IFT80: variants seen among roughly 807,000 people sequenced by gnomAD.
IFT80 encodes intraflagellar transport protein 80 homolog.
A neutral mutation model predicts 107.9 loss-of-function variants in IFT80; 79 were observed. That is an observed-to-expected ratio of 0.73 (90% CI 0.61 to 0.88). The LOEUF (loss-of-function observed/expected upper bound fraction) is 0.88. Among genes scored for constraint, IFT80 ranks in the 40% least tolerant of loss-of-function variants. The pLI, the probability that IFT80 is intolerant of heterozygous loss-of-function variation, is 0.00. For missense variants in IFT80, 797 were observed against 914.2 expected, an observed-to-expected ratio of 0.87 and a Z score of 1.65; for synonymous variants, 299 against 300.9, an observed-to-expected ratio of 0.99 and a Z score of 0.07.
At chr3:160,393,761 A>C (rs182724154) in intron 1 of IFT80, among the ~76,000 whole-genome samples, 2 of 152,354 alleles carry the variant, frequency 1.3e-5, no homozygotes, top group Admixed American at 1.3e-4. Flanking sequence ...GATGATAAAC[A>C]GGGAGACCAT....
chr3:160,358,267 C>T (rs1721241332), intron 6 of IFT80, among the ~76,000 whole-genome samples: 1 of 152,046 alleles, frequency 6.6e-6, no homozygotes, highest in South Asian at 2.1e-4. Context: ...CCTGCCTTGG[C>T]CTCCCAATGT....
rs939523070 is a variant in IFT80, at chr3:160,322,819, T to C, written c.778-2880A>G. ...GAGCATTTTTTCATGTGTCTTTTGG[T>C]TGCATAAATGTCTTCTTTTGAGAAG... On this transcript the variant is annotated intron_variant, in intron 8 of 19. Transcript: ENST00000326448. Among the ~76,000 whole-genome samples the C allele has an allele frequency of 1.4e-4, 21 of 152,130 alleles. No homozygotes were observed. The South Asian group carries it at 3.3e-3, about 24-fold the overall frequency.
chr3:160,351,545 CAT>C (rs1309257073), intron 8 of IFT80, among the ~76,000 whole-genome samples: 3 of 145,744 alleles, frequency 2.1e-5, no homozygotes, highest in African/African-American at 5.0e-5. Flanking sequence ...TATATATACA[CAT>C]ATATTATATG....
At chr3:160,371,140 T>C (rs894477060) in intron 5 of IFT80, among the ~76,000 whole-genome samples, 6 of 152,174 alleles carry the variant, frequency 3.9e-5, no homozygotes, top group African/African-American at 1.4e-4. Context: ...GCCTACACTC[T>C]GGCCCAAGGA....
intron 8 of IFT80, among the ~76,000 whole-genome samples, chr3:160,328,916 G>A (rs1045076938): frequency 1.3e-5 from 2 of 152,024 alleles, no homozygotes; most frequent in Non-Finnish European, 2.9e-5. Context: ...AATACCACAT[G>A]CTCTCATTCA....
At position 160,301,013 on chromosome 3, in the gene IFT80, A is replaced by G. The variant is rs750468456; in HGVS notation, c.1185T>C (p.Tyr395=). Residue 395 remains tyrosine, a synonymous_variant, in exon 12 of 20, where the codon TAT becomes TAC. Transcript: ENST00000326448. ...HFLLVDGSSI[Y]LYSYEGRFIS... ...TAAAGCGCCCTTCATATGAATATAA[A>G]TAGATACTACTACCATCTACAAGAA... 1.9e-6 allele frequency: 3 copies of G among 1,594,414 alleles called. No homozygotes were observed. The highest frequency in any genetic ancestry group is 1.7e-4 in the Middle Eastern group (1 of 6,000).
intron 8 of IFT80, among the ~76,000 whole-genome samples, chr3:160,347,812 G>T (rs760858922): frequency 9.2e-5 from 14 of 152,072 alleles, no homozygotes; most frequent in Non-Finnish European, 1.9e-4. Context: ...CCTGCTCATG[G>T]ACATTTATTT....
At chr3:160,366,202 T>C (rs916629518) in intron 5 of IFT80, 50 bp from the exon 6 acceptor site, 43 of 1,294,118 alleles carry the variant, frequency 3.3e-5, no homozygotes, top group Non-Finnish European at 4.6e-5. Flanking sequence ...TTAATTATTA[T>C]GCCTTATAAA....
At position 160,381,694 on chromosome 3, in the gene IFT80, G is replaced by A. The variant is rs764436494; in HGVS notation, c.68C>T (p.Thr23Ile). The change falls in exon 3 of 20, where the codon ACT (threonine) becomes ATT (isoleucine). Residue 23 changes from threonine to isoleucine, a missense_variant. Transcript: ENST00000326448. ...ACATGAATACAGCTCTTCAGCAGTA[G>A]TCCAGCCCACACAGCTTACTAATTC... ...HQELVSCVGW[T>I]TAEELYSCSD... 6.2e-7 allele frequency: 1 copy of A among 1,611,974 alleles called. No homozygotes were observed. The highest frequency in any genetic ancestry group is 2.2e-5 in the East Asian group (1 of 44,820).
chr3:160,371,633 G>T lies in IFT80; in HGVS notation c.439+4179C>A, dbSNP rs115791754. ...AACTTTTGTATTTTTTGTACAGATG[G>T]GGTTTTCCCATGTTGCCCAGGCTGA... is the stretch of plus-strand genomic sequence containing the variant. On this transcript the variant is annotated intron_variant, in intron 5 of 19. Transcript: ENST00000326448. 7.5e-3 allele frequency among the ~76,000 whole-genome samples: 1,140 copies of T among 152,124 alleles called. 19 individuals are homozygous for T. The highest frequency in any genetic ancestry group is 0.026 in the African/African-American group (1,092 of 41,502).
chr3:160,268,078 A>G (rs1713485809), intron 19 of IFT80, among the ~76,000 whole-genome samples: 1 of 152,206 alleles, frequency 6.6e-6, no homozygotes, highest in Non-Finnish European at 1.5e-5. Context: ...CCTACAGCAG[A>G]AGAGGCAGCT....
intron 8 of IFT80, among the ~76,000 whole-genome samples, chr3:160,343,357 G>A (rs6441314): frequency 0.53 from 80,308 of 151,952 alleles, 21,706 homozygotes; most frequent in African/African-American, 0.57. Context: ...CCTGCTGATA[G>A]ATAAAAGCAA....
intron 8 of IFT80, among the ~76,000 whole-genome samples, chr3:160,348,442 T>C (rs1189357249): frequency 6.6e-6 from 1 of 152,196 alleles, no homozygotes; most frequent in Non-Finnish European, 1.5e-5. Context: ...AACACCTATG[T>C]ACTCCAGACA....
intron 3 of IFT80, 97 bp from the exon 4 acceptor site, chr3:160,377,637 A>T (rs533735494): frequency 3.1e-4 from 197 of 637,474 alleles, no homozygotes; most frequent in Middle Eastern, 2.1e-3. Flanking sequence ...CATAAAGGCA[A>T]ATATTAACAT....
intron 16 of IFT80, among the ~76,000 whole-genome samples, chr3:160,278,075 TAGTG>T (rs921608340): frequency 6.6e-6 from 1 of 152,198 alleles, no homozygotes; most frequent in Non-Finnish European, 1.5e-5. Context: ...CTTAGGCAGA[TAGTG>T]AGGGTACAGA....
At chr3:160,312,505 C>A (rs1197619026) in intron 9 of IFT80, among the ~76,000 whole-genome samples, 4 of 137,400 alleles carry the variant, frequency 2.9e-5, no homozygotes, top group Non-Finnish European at 6.1e-5. Context: ...TGAGACTCCA[C>A]GCTGTATTTT....
intron 6 of IFT80, among the ~76,000 whole-genome samples, chr3:160,363,211 C>A (rs960552708): frequency 4.0e-5 from 6 of 151,782 alleles, no homozygotes; most frequent in Non-Finnish European, 7.4e-5. Flanking sequence ...ACAACCATTT[C>A]TATACACCAA....
chr3:160,327,673 A>G (rs187189798), intron 8 of IFT80, among the ~76,000 whole-genome samples: 1 of 152,268 alleles, frequency 6.6e-6, no homozygotes, highest in Admixed American at 6.5e-5. Context: ...TCCTTAAACC[A>G]TATACAAAAA....
In IFT80 at chr3:160,383,773, G is replaced by A. The variant is rs183302574; in HGVS notation, c.37+791C>T. 5 of 985,274 alleles carry A rather than the reference G, an allele frequency of 5.1e-6. No homozygotes were observed. In the African/African-American group the frequency reaches 7.0e-5, roughly 14 times the overall value. 61.0% of individuals were successfully genotyped at this position (985,274 alleles called of 1,614,324 possible). On this transcript the variant is annotated intron_variant, in intron 2 of 19. Transcript: ENST00000326448. Reference sequence around the variant, plus strand: ...TGGGGACTCTTGCTGACAAAATATAGGGTCATGTGTTTGAGAAAATATTAT... The same window carrying A: ...TGGGGACTCTTGCTGACAAAATATAAGGTCATGTGTTTGAGAAAATATTAT...
Sources: allele counts gnomAD v4.1 joint callset (sites outside exome capture counted in the v4.1 genomes callset), GRCh38; gene constraint gnomAD v4.1.1; transcripts MANE v1.5; gene names NCBI Gene and HGNC (gene_info 2026-07-23, HGNC 2026-07-21).